CMIP: variants seen among roughly 807,000 people sequenced by gnomAD.
The protein encoded by CMIP is c-Maf inducing protein.
In CMIP, 13 loss-of-function variants were observed where a neutral mutation model predicts 97.3. The ratio of observed to expected loss-of-function variants is 0.13; its 90% CI spans 0.09 to 0.21. CMIP has a LOEUF of 0.21. Among genes scored for constraint, CMIP ranks in the 10% least tolerant of loss-of-function variants. CMIP has a pLI of 1.00. For missense variants in CMIP, 847 were observed against 1,024.9 expected, an observed-to-expected ratio of 0.83 and a Z score of 2.37; for synonymous variants, 538 against 436.3, an observed-to-expected ratio of 1.23 and a Z score of -2.91.
intron 1 of CMIP, among the ~76,000 whole-genome samples, chr16:81,448,804 G>C (rs1463124409): frequency 1.3e-5 from 2 of 152,248 alleles, no homozygotes; most frequent in South Asian, 4.1e-4. Context: ...CCCTCCCTTG[G>C]GGACCCAGGA....
intron 10 of CMIP, among the ~76,000 whole-genome samples, chr16:81,678,835 T>A (rs1431900487): frequency 6.6e-6 from 1 of 152,242 alleles, no homozygotes; most frequent in Non-Finnish European, 1.5e-5. Flanking sequence ...GGTGCATATG[T>A]ACAAGTGGGT....
chr16:81,540,643 AGTGTGT>A (rs67286788), intron 1 of CMIP, among the ~76,000 whole-genome samples: 24,220 of 141,758 alleles, frequency 0.17, 2,202 homozygotes, highest in East Asian at 0.37. Flanking sequence ...TCTTGTTTTG[AGTGTGT>A]GTGTGTGTGT....
chr16:81,625,409 A>G (rs1328413126), intron 3 of CMIP, among the ~76,000 whole-genome samples: 2 of 152,256 alleles, frequency 1.3e-5, no homozygotes, highest in Admixed American at 1.3e-4. Flanking sequence ...TTTCTGACTC[A>G]GATGTACCTC....
intron 1 of CMIP, among the ~76,000 whole-genome samples, chr16:81,508,457 C>T (rs1303885653): frequency 6.6e-6 from 1 of 152,228 alleles, no homozygotes; most frequent in Non-Finnish European, 1.5e-5. Flanking sequence ...TCCCTGTTCT[C>T]TTTTTGTGGT....
chr16:81,509,004 G>T (rs1219165753), intron 1 of CMIP, among the ~76,000 whole-genome samples: 1 of 152,242 alleles, frequency 6.6e-6, no homozygotes, highest in Non-Finnish European at 1.5e-5. Flanking sequence ...TACAATTCAG[G>T]TTCCCTTTCC....
chr16:81,610,241 C>A, intron 2 of CMIP: 1 of 867,164 alleles, frequency 1.2e-6, no homozygotes, highest in Non-Finnish European at 1.4e-6. Context: ...GCTGTGGCCG[C>A]GGGCCCAGCT....
intron 1 of CMIP, among the ~76,000 whole-genome samples, chr16:81,503,671 A>G (rs991852878): frequency 6.6e-6 from 1 of 152,220 alleles, no homozygotes; most frequent in African/African-American, 2.4e-5. Context: ...TGCTGGGATT[A>G]TAGGCCTGAG....
intron 1 of CMIP, among the ~76,000 whole-genome samples, chr16:81,493,048 C>T (rs964603199): frequency 3.9e-5 from 6 of 152,112 alleles, no homozygotes; most frequent in East Asian, 1.9e-4. Flanking sequence ...AGGGAGGAGC[C>T]GCTGGCGGGG....
intron 9 of CMIP, among the ~76,000 whole-genome samples, chr16:81,677,376 G>A (rs549572188): frequency 7.9e-5 from 12 of 152,258 alleles, no homozygotes; most frequent in African/African-American, 2.9e-4. Context: ...CACAGAGACG[G>A]TCGGAATCAC....
At chr16:81,470,242 C>T (rs1415715993) in intron 1 of CMIP, among the ~76,000 whole-genome samples, 2 of 152,260 alleles carry the variant, frequency 1.3e-5, no homozygotes, top group Admixed American at 6.5e-5. Context: ...GAGACAAAGG[C>T]GCCGCAGGGA....
intron 3 of CMIP, among the ~76,000 whole-genome samples, chr16:81,632,866 A>C (rs940010113): frequency 1.3e-5 from 2 of 152,180 alleles, no homozygotes; most frequent in African/African-American, 4.8e-5. Context: ...GGGACATTCA[A>C]GACACCCCCA....
At chr16:81,447,475 G>C (rs1279988261) in intron 1 of CMIP, among the ~76,000 whole-genome samples, 1 of 152,138 alleles carries the variant, frequency 6.6e-6, no homozygotes, top group Non-Finnish European at 1.5e-5. Context: ...CTGAGAGAAA[G>C]AGGGAAGGAA....
At chr16:81,486,567 G>C (rs922904393) in intron 1 of CMIP, among the ~76,000 whole-genome samples, 1 of 152,208 alleles carries the variant, frequency 6.6e-6, no homozygotes, top group Non-Finnish European at 1.5e-5. Flanking sequence ...TCTCCAAGCA[G>C]ACCGCCGAGT....
intron 1 of CMIP, among the ~76,000 whole-genome samples, chr16:81,544,782 C>CGT (rs910424588): frequency 6.6e-5 from 10 of 151,240 alleles, no homozygotes; most frequent in Non-Finnish European, 1.3e-4. Context: ...CGTGTGTGCA[C>CGT]GTGTGTGTGG....
chr16:81,550,620 C>T (rs1172494328), intron 1 of CMIP, among the ~76,000 whole-genome samples: 2 of 152,124 alleles, frequency 1.3e-5, no homozygotes, highest in Admixed American at 6.5e-5. Flanking sequence ...CTAGGATAGA[C>T]CAGGAGGACC....
In CMIP at chr16:81,710,920, C is replaced by T. The variant is rs1164554813; in HGVS notation, c.*1121C>T. The T allele has an allele frequency of 1.3e-5, 2 of 152,164 alleles. No homozygotes were observed. The highest frequency in any genetic ancestry group is 1.9e-4 in the East Asian group (1 of 5,182). The allele number at this position is 152,164 out of a possible 1,614,324, so 9.4% of individuals were successfully genotyped here. A position where few individuals can be genotyped will look rare whatever the true frequency, so the allele number is the denominator to read the frequency against. ...GTCACCCCTGGGCTCCCCCTGCCAT[C>T]GTGTGCTTCACGTGGCCCCATGCAT... On this transcript the variant is annotated 3_prime_UTR_variant, in exon 21 of 21. Transcript: ENST00000537098.
intron 1 of CMIP, among the ~76,000 whole-genome samples, chr16:81,535,078 G>C (rs946722987): frequency 6.6e-6 from 1 of 152,134 alleles, no homozygotes; most frequent in Admixed American, 6.5e-5. Flanking sequence ...AGCCTCCTGA[G>C]TAGCTGGGAC....
intron 1 of CMIP, among the ~76,000 whole-genome samples, chr16:81,463,604 A>G (rs1164863519): frequency 1.3e-5 from 2 of 152,200 alleles, no homozygotes; most frequent in East Asian, 1.9e-4. Context: ...ACCGATTGCC[A>G]GGGCTGGACC....
At chr16:81,636,081 G>GTGGGTGTGTGTT (rs2092231335) in intron 3 of CMIP, among the ~76,000 whole-genome samples, 1 of 69,524 alleles carries the variant, frequency 1.4e-5, no homozygotes, top group Non-Finnish European at 4.8e-5. Context: ...GTGTGTTTGT[G>GTGGGTGTGTGTT]TGTGTGAGTG....
Sources: gnomAD v4.1 joint callset for allele counts (sites outside exome capture counted in the v4.1 genomes callset) on GRCh38, gnomAD v4.1.1 for gene constraint, MANE v1.5 for transcripts, NCBI Gene and HGNC (gene_info 2026-07-23, HGNC 2026-07-21) for gene names.